Variants in RALYL observed in about 807,000 individuals in gnomAD.
The protein encoded by RALYL is RALY RNA binding protein like.
In RALYL, 29 loss-of-function variants were observed where a neutral mutation model predicts 35.1. That is an observed-to-expected ratio of 0.83 (90% CI 0.61 to 1.13). The LOEUF (loss-of-function observed/expected upper bound fraction) is 1.13, where lower values mean the gene tolerates loss of function less well. RALYL is among the 50% of genes most tolerant of loss of function. The pLI, the probability that RALYL is intolerant of heterozygous loss-of-function variation, is 0.00. For synonymous variants in RALYL, 120 were observed against 127.6 expected (o/e 0.94, Z 0.40); for missense variants, 359 against 360.4 (o/e 1.00, Z 0.03).
intron 2 of RALYL, among the ~76,000 whole-genome samples, chr8:84,556,876 C>CA (rs1487280428): frequency 6.6e-6 from 1 of 152,116 alleles, no homozygotes; most frequent in Non-Finnish European, 1.5e-5. Context: ...AAGCCTGAAA[C>CA]AGAGACTCAG....
intron 2 of RALYL, among the ~76,000 whole-genome samples, chr8:84,758,284 G>A (rs148824468): frequency 2.0e-5 from 3 of 152,260 alleles, no homozygotes; most frequent in African/African-American, 7.2e-5. Flanking sequence ...AGTAATACCT[G>A]ATTAGTACTT....
At chr8:84,833,756 C>G (rs955768759) in intron 4 of RALYL, among the ~76,000 whole-genome samples, 21 of 151,682 alleles carry the variant, frequency 1.4e-4, no homozygotes, top group Non-Finnish European at 2.2e-4. Flanking sequence ...AAGCCATAGA[C>G]AAGGTAGTCT....
intron 1 of RALYL, among the ~76,000 whole-genome samples, chr8:84,388,614 T>G (rs1340434562): frequency 4.6e-5 from 7 of 152,324 alleles, no homozygotes; most frequent in Middle Eastern, 3.4e-3. Flanking sequence ...TTTTTTCATG[T>G]GTTTTTTGGC....
intron 3 of RALYL, among the ~76,000 whole-genome samples, chr8:84,785,599 G>A (rs777785937): frequency 1.1e-4 from 17 of 152,040 alleles, no homozygotes; most frequent in Non-Finnish European, 1.6e-4. Context: ...ATCCTTTGAA[G>A]TATATCTAAG....
At chr8:84,327,853 A>G (rs1397967705) in intron 1 of RALYL, among the ~76,000 whole-genome samples, 1 of 152,192 alleles carries the variant, frequency 6.6e-6, no homozygotes, top group Non-Finnish European at 1.5e-5. Flanking sequence ...AATCTTTAAT[A>G]TAGACTATGC....
At chr8:84,624,639 C>T (rs1199389803) in intron 2 of RALYL, among the ~76,000 whole-genome samples, 1 of 152,196 alleles carries the variant, frequency 6.6e-6, no homozygotes, top group East Asian at 1.9e-4. Context: ...ATGCCATCTG[C>T]AAAGGCCTCT....
intron 2 of RALYL, among the ~76,000 whole-genome samples, chr8:84,732,243 T>G (rs1321788305): frequency 6.6e-6 from 1 of 152,150 alleles, no homozygotes; most frequent in Non-Finnish European, 1.5e-5. Flanking sequence ...GCTGAGAATT[T>G]ACATCCAACA....
intron 1 of RALYL, among the ~76,000 whole-genome samples, chr8:84,403,775 A>G (rs1239607907): frequency 6.6e-6 from 1 of 152,000 alleles, no homozygotes; most frequent in African/African-American, 2.4e-5. Flanking sequence ...TACTTTTGGC[A>G]GTATGGCATT....
chr8:84,376,702 T>G (rs1461311411), intron 1 of RALYL, among the ~76,000 whole-genome samples: 1 of 151,898 alleles, frequency 6.6e-6, no homozygotes, highest in Non-Finnish European at 1.5e-5. Flanking sequence ...CAGGACTCCC[T>G]GCAGATTCTC....
chr8:84,256,777 G>A (rs1369923549), intron 1 of RALYL, among the ~76,000 whole-genome samples: 2 of 152,024 alleles, frequency 1.3e-5, no homozygotes, highest in African/African-American at 2.4e-5. Context: ...CAACGGTCAT[G>A]CTCACTTTCT....
chr8:84,623,834 G>A (rs774011332), intron 2 of RALYL, among the ~76,000 whole-genome samples: 4 of 152,136 alleles, frequency 2.6e-5, no homozygotes, highest in Non-Finnish European at 5.9e-5. Context: ...AAAGAGCATG[G>A]AATCCAAGCC....
intron 1 of RALYL, among the ~76,000 whole-genome samples, chr8:84,306,080 C>T (rs188391978): frequency 1.3e-3 from 197 of 151,502 alleles, no homozygotes; most frequent in African/African-American, 4.0e-3. Context: ...AGGAGAATGG[C>T]GTGAACCTGG....
intron 2 of RALYL, among the ~76,000 whole-genome samples, chr8:84,531,377 G>T (rs1320838895): frequency 2.0e-5 from 3 of 151,984 alleles, no homozygotes; most frequent in Non-Finnish European, 4.4e-5. Context: ...ATATTTAACT[G>T]CAAACAAATC....
At chr8:84,705,814 C>T (rs1199282713) in intron 2 of RALYL, 4 of 1,000,024 alleles carry the variant, frequency 4.0e-6, no homozygotes, top group Non-Finnish European at 5.4e-6. Context: ...TACAATTTTC[C>T]CTAGAAGATT....
intron 1 of RALYL, among the ~76,000 whole-genome samples, chr8:84,527,326 G>C (rs951898891): frequency 5.3e-5 from 8 of 152,178 alleles, no homozygotes; most frequent in Admixed American, 5.2e-4. Context: ...TCAGAGTACA[G>C]CTGTACCCTC....
intron 8 of RALYL, among the ~76,000 whole-genome samples, chr8:84,914,754 G>A (rs773261043): frequency 6.6e-6 from 1 of 151,840 alleles, no homozygotes; most frequent in South Asian, 2.1e-4. Flanking sequence ...GTTCAAAACA[G>A]AACTTAAAAA....
At chr8:84,539,084 G>C (rs558999095) in intron 2 of RALYL, among the ~76,000 whole-genome samples, 16 of 152,268 alleles carry the variant, frequency 1.1e-4, no homozygotes, top group African/African-American at 2.9e-4. Context: ...CAATGTTTGT[G>C]AAAGTTGGTG....
At chr8:84,331,616 T>C (rs1292495057) in intron 1 of RALYL, among the ~76,000 whole-genome samples, 1 of 152,088 alleles carries the variant, frequency 6.6e-6, no homozygotes, top group Non-Finnish European at 1.5e-5. Context: ...GAAAGCATTC[T>C]GAATTTAAAA....
intron 2 of RALYL, among the ~76,000 whole-genome samples, chr8:84,704,446 G>GAC (rs3068023): frequency 0.061 from 6,318 of 103,994 alleles, 175 homozygotes; most frequent in African/African-American, 0.12. Flanking sequence ...AATACACACA[G>GAC]ACACACACAC....
Sources: allele counts gnomAD v4.1 joint callset (sites outside exome capture counted in the v4.1 genomes callset), GRCh38; gene constraint gnomAD v4.1.1; transcripts MANE v1.5; gene names NCBI Gene and HGNC (gene_info 2026-07-23, HGNC 2026-07-21).